FAM163B: variants seen among roughly 807,000 people sequenced by gnomAD.
FAM163B encodes family with sequence similarity 163 member B.
FAM163B carries 4 observed loss-of-function variants against 7.6 expected under a neutral mutation model. The ratio of observed to expected loss-of-function variants is 0.52; its 90% CI spans 0.26 to 1.20. The LOEUF (loss-of-function observed/expected upper bound fraction) is 1.20, where lower values mean the gene tolerates loss of function less well. Ranked by LOEUF, FAM163B falls within the 50% of genes most tolerant of loss-of-function variation. The probability of loss-of-function intolerance (pLI) is 0.14; values close to 1 mark genes in which losing one functional copy is unlikely to be tolerated. For missense variants in FAM163B, 250 were observed against 243.0 expected, an observed-to-expected ratio of 1.03 and a Z score of -0.19; for synonymous variants, 120 against 111.6, an observed-to-expected ratio of 1.07 and a Z score of -0.47.
chr9:133,601,211 G>A lies in FAM163B; in HGVS notation c.-24+7866C>T, dbSNP rs895701388. 1.3e-5 allele frequency among the ~76,000 whole-genome samples: 2 copies of A among 152,214 alleles called. No individual in the cohort carries two copies. The highest frequency in any genetic ancestry group is 4.8e-5 in the African/African-American group (2 of 41,464). ...CTGGGCCCCCTTCCTGAGCCTCTGA[G>A]CTCTCTGGGCAGGGCGCGCCTTTGG... On this transcript the variant is annotated intron_variant, in intron 1 of 2. Coordinates refer to ENST00000673969, the MANE Select transcript of FAM163B (RefSeq NM_001080515.3). The surrounding 1 kb of genome is among the most constrained non-coding windows in gnomAD (Gnocchi z 4.1).
rs1235660578 is a variant in FAM163B at position 133,601,632 on chromosome 9, C to T, written c.-24+7445G>A. 6.6e-6 allele frequency among the ~76,000 whole-genome samples: 1 copy of T among 152,242 alleles called. No homozygotes were observed. The highest frequency in any genetic ancestry group is 6.5e-5 in the Admixed American group (1 of 15,288). ...GCTGGCTTGCTTCCCATTTCTGGAACACTGCAAGTCCCTTCTTCCCTGAGG... is the reference window on the plus strand; with the variant it reads ...GCTGGCTTGCTTCCCATTTCTGGAATACTGCAAGTCCCTTCTTCCCTGAGG... On this transcript the variant is annotated intron_variant, in intron 1 of 2. Coordinates refer to ENST00000673969, the MANE Select transcript of FAM163B (RefSeq NM_001080515.3). This position sits in a 1 kb window ranked among gnomAD's most constrained non-coding sequence, Gnocchi z 4.1.
chr9:133,598,377 C>T (rs1275960896), intron 1 of FAM163B, among the ~76,000 whole-genome samples: 2 of 150,552 alleles, frequency 1.3e-5, no homozygotes, highest in African/African-American at 2.5e-5. Flanking sequence ...TACCCATCAA[C>T]ACAGGAGTGT....
intron 2 of FAM163B, among the ~76,000 whole-genome samples, 178 bp from the exon 3 acceptor site, chr9:133,579,607 G>A (rs989328050): frequency 2.7e-4 from 41 of 152,254 alleles, no homozygotes; most frequent in Middle Eastern, 3.2e-3. Context: ...CAGGCCAGGC[G>A]CAGTGCTGAG....
intron 1 of FAM163B, among the ~76,000 whole-genome samples, chr9:133,586,622 C>A (rs977715698): frequency 5.3e-5 from 8 of 152,292 alleles, no homozygotes; most frequent in African/African-American, 1.9e-4. Context: ...CACTGCCCAG[C>A]AGAAGCAGGG....
At chr9:133,595,505 C>T (rs1315957924) in intron 1 of FAM163B, among the ~76,000 whole-genome samples, 1 of 152,220 alleles carries the variant, frequency 6.6e-6, no homozygotes, top group Admixed American at 6.5e-5. Flanking sequence ...CCTCGGACCA[C>T]ACTTTGAGGA....
At chr9:133,584,268 C>G (rs989000971) in intron 1 of FAM163B, among the ~76,000 whole-genome samples, 3 of 152,278 alleles carry the variant, frequency 2.0e-5, no homozygotes, top group Admixed American at 2.0e-4. Flanking sequence ...GACCCCAGGA[C>G]TCTACTCAGC....
chr9:133,603,289 C>G (rs1831751860), intron 1 of FAM163B, among the ~76,000 whole-genome samples: 1 of 152,196 alleles, frequency 6.6e-6, no homozygotes, highest in African/African-American at 2.4e-5. Flanking sequence ...AATGCATACC[C>G]AGCGCATCCC....
At chr9:133,589,440 C>T (rs1831501551) in intron 1 of FAM163B, among the ~76,000 whole-genome samples, 1 of 152,246 alleles carries the variant, frequency 6.6e-6, no homozygotes, top group East Asian at 1.9e-4. Flanking sequence ...GGGGTGAGGG[C>T]TCCAGGGGTG....
intron 1 of FAM163B, among the ~76,000 whole-genome samples, chr9:133,583,963 C>G: frequency 6.6e-6 from 1 of 152,186 alleles, no homozygotes. Flanking sequence ...TCACTCCGAG[C>G]AGCTCCCAAA....
intron 1 of FAM163B, among the ~76,000 whole-genome samples, chr9:133,582,745 T>C (rs1364890461): frequency 6.6e-6 from 1 of 152,192 alleles, no homozygotes; most frequent in African/African-American, 2.4e-5. Context: ...CCAGCCGGCC[T>C]CTCTCCTGGG....
At chr9:133,605,301 C>T (rs1468609575) in intron 1 of FAM163B, among the ~76,000 whole-genome samples, 4 of 152,146 alleles carry the variant, frequency 2.6e-5, no homozygotes, top group Admixed American at 6.5e-5. Flanking sequence ...TCACGAGGGA[C>T]GCATAGCTTG....
intron 1 of FAM163B, among the ~76,000 whole-genome samples, chr9:133,599,309 C>G (rs537679174): frequency 3.3e-5 from 5 of 152,334 alleles, no homozygotes; most frequent in African/African-American, 1.2e-4. Context: ...CTTTGCTGCT[C>G]GCCCAGGCCT....
chr9:133,593,488 G>T (rs1831585877), intron 1 of FAM163B, among the ~76,000 whole-genome samples: 1 of 152,064 alleles, frequency 6.6e-6, no homozygotes, highest in South Asian at 2.1e-4. Flanking sequence ...CCCTGCTCCA[G>T]TGTGCTTATA....
At chr9:133,603,169 A>C (rs1243744321) in intron 1 of FAM163B, among the ~76,000 whole-genome samples, 2 of 152,220 alleles carry the variant, frequency 1.3e-5, no homozygotes, top group Non-Finnish European at 2.9e-5. Flanking sequence ...GGAGGACTTG[A>C]AAACAGGATG....
At chr9:133,582,383 G>A (rs1588322062) in intron 1 of FAM163B, among the ~76,000 whole-genome samples, 1 of 152,304 alleles carries the variant, frequency 6.6e-6, no homozygotes, top group East Asian at 1.9e-4. Context: ...GATCCCACTA[G>A]GGAGCAAACC....
At position 133,579,385 on chromosome 9, in the gene FAM163B, TTCCTCCTCG is replaced by T. The variant is rs1831317588; in HGVS notation, c.129_137del (p.Asp43_Glu45del). ...GGTGCGAGTGAACGGCGAAGTCTGG[TTCCTCCTCG>T]TCCTCCTCCGACTCGTCCTTCTTGC... On this transcript the variant is annotated inframe_deletion, in exon 3 of 3. Transcript: ENST00000673969. 1.1e-5 allele frequency: 18 copies of T among 1,610,632 alleles called. No individual in the cohort carries two copies. The highest frequency in any genetic ancestry group is 1.5e-5 in the Non-Finnish European group (18 of 1,179,080).
chr9:133,579,124 C>G lies in FAM163B; in HGVS notation c.399G>C (p.Leu133=). ...GCAGGCCCCCGAAGCCCCCCGGGGG[C>G]AGCTCCACGTCCTCCTGGCTCACGC... ...YKSVSQEDVE[L]PPGGFGGLQA... is the part of the protein sequence containing the mutation. The change falls in exon 3 of 3, where the codon CTG becomes CTC. Residue 133 remains leucine, a synonymous_variant. Coordinates refer to ENST00000673969, the MANE Select transcript of FAM163B (RefSeq NM_001080515.3). The G allele has an allele frequency of 6.2e-7, 1 of 1,608,196 alleles. No individual in the cohort carries two copies. The highest frequency in any genetic ancestry group is 2.2e-5 in the East Asian group (1 of 44,868).
intron 1 of FAM163B, among the ~76,000 whole-genome samples, chr9:133,588,223 C>T (rs553923290): frequency 7.2e-5 from 11 of 152,208 alleles, no homozygotes; most frequent in Admixed American, 2.6e-4. Context: ...AGTCGGGGAT[C>T]GTGGGAGATG....
intron 1 of FAM163B, among the ~76,000 whole-genome samples, chr9:133,599,084 G>A (rs868223819): frequency 5.9e-5 from 9 of 152,150 alleles, no homozygotes; most frequent in Non-Finnish European, 2.9e-5. Flanking sequence ...CACCTGGCCT[G>A]AGCGCCACAC....
Sources: allele counts gnomAD v4.1 joint callset (sites outside exome capture counted in the v4.1 genomes callset), GRCh38; gene constraint gnomAD v4.1.1; non-coding constraint Gnocchi (gnomAD v3.1); transcripts MANE v1.5; gene names NCBI Gene and HGNC (gene_info 2026-07-23, HGNC 2026-07-21).